CEACAM6: variants seen among roughly 807,000 people sequenced by gnomAD.
CEACAM6 encodes CEA cell adhesion molecule 6, also known as cell adhesion molecule CEACAM6.
Under a neutral mutation model 32.4 loss-of-function variants are expected in CEACAM6, and 21 were observed. The observed-to-expected ratio is 0.65, with a 90% CI of 0.46 to 0.93. The LOEUF is 0.93. Ranked by LOEUF, CEACAM6 falls within the 40% of genes least tolerant of loss-of-function variation. The pLI is 0.00. For synonymous variants in CEACAM6, 184 were observed against 174.4 expected (o/e 1.06, Z -0.43); for missense variants, 406 against 432.2 (o/e 0.94, Z 0.54).
chr19:41,763,571 C>T (rs2122925043), intron 4 of CEACAM6, among the ~76,000 whole-genome samples: 1 of 152,326 alleles, frequency 6.6e-6, no homozygotes, highest in Admixed American at 6.5e-5. Flanking sequence ...CTGCCCTATT[C>T]ACATTTGAGA....
intron 4 of CEACAM6, among the ~76,000 whole-genome samples, chr19:41,763,862 T>G (rs1441030369): frequency 6.6e-6 from 1 of 152,228 alleles, no homozygotes; most frequent in Non-Finnish European, 1.5e-5. Flanking sequence ...TAAGTTTAAG[T>G]TATCTGTGAA....
At position 41,755,690 on chromosome 19, in the gene CEACAM6, G is replaced by T. The variant is rs2072880692; in HGVS notation, c.52G>T (p.Val18Phe). Residue 18 changes from valine to phenylalanine, a missense_variant, in exon 1 of 6, where the codon GTC (valine) becomes TTC (phenylalanine). Physicochemically the swap from Val to Phe is conservative, Grantham distance 50. Transcript: ENST00000199764. ...CAGATTGCATGTCCCCTGGAAGGAG[G>T]TCCTGCTCACAGGTGAGGGGAGGAC... The part of the protein sequence containing the change: ...PCRLHVPWKE[V>F]LLTASLLTFW... 6.2e-6 allele frequency: 10 copies of T among 1,605,466 alleles called. No individual in the cohort carries two copies. The highest frequency in any genetic ancestry group is 8.5e-6 in the Non-Finnish European group (10 of 1,176,582).
Position 41,771,363 on chromosome 19 carries a change from T to G in CEACAM6, c.*602T>G, listed in dbSNP as rs1387659325. 7.9e-5 allele frequency: 12 copies of G among 152,210 alleles called. No individual in the cohort carries two copies. The highest frequency in any genetic ancestry group is 2.4e-4 in the African/African-American group (10 of 41,460). The allele number at this position is 152,210 out of a possible 1,614,324, so 9.4% of individuals were successfully genotyped here. ...ACCTGTTCTCACTCCCTGTTTTAAT[T>G]CAACCCAGCCATGCAATGCCAAATA... On this transcript the variant is annotated 3_prime_UTR_variant, in exon 6 of 6. Coordinates refer to ENST00000199764, the MANE Select transcript of CEACAM6 (RefSeq NM_002483.7).
At chr19:41,766,448 C>G in intron 5 of CEACAM6, 149 bp downstream of exon 5, 1 of 472,624 alleles carries the variant, frequency 2.1e-6, no homozygotes, top group Non-Finnish European at 3.8e-6. Flanking sequence ...CAGGTCTCTT[C>G]TTCCCTGGTC....
At position 41,755,530 on chromosome 19, in the gene CEACAM6, A is replaced by C; in HGVS notation, c.-109A>C. On this transcript the variant is annotated 5_prime_UTR_variant, in exon 1 of 6. Transcript: ENST00000199764. ...TTCTATCCCTGAGAGGAGGCTCAGC[A>C]CAGAAGGAGGAAGGACAGCAGGGCC... 1 of 1,047,424 alleles carries C rather than the reference A, an allele frequency of 9.5e-7. No homozygotes were observed. The highest frequency in any genetic ancestry group is 1.3e-5 in the South Asian group (1 of 74,694). 64.9% of individuals were successfully genotyped at this position (1,047,424 alleles called of 1,614,324 possible). A position where few individuals can be genotyped will look rare whatever the true frequency, so the allele number is the denominator to read the frequency against.
rs782690099 is a variant in CEACAM6 at position 41,766,208 on chromosome 19, G to T, written c.984G>T (p.Val328=). The T allele has an allele frequency of 6.2e-7, 1 of 1,607,526 alleles. No homozygotes were observed. The highest frequency in any genetic ancestry group is 2.3e-5 in the East Asian group (1 of 44,152). The change falls in exon 5 of 6, where the codon GTG becomes GTT. Residue 328 remains valine, a synonymous_variant. Transcript: ENST00000199764. The part of the protein sequence containing the change: ...VSGSAPVLSA[V]ATVGITIGVL... ...GAAGTGCTCCTGTCCTCTCAGCTGT[G>T]GCCACCGTCGGCATCACGATTGGAG...
rs1337652629 is a variant in CEACAM6, at chr19:41,771,605, A to G, written c.*844A>G. 3 of 152,196 alleles carry G rather than the reference A, an allele frequency of 2.0e-5. No homozygotes were observed. Among genetic ancestry groups the G allele is most frequent in the African/African-American group, 7.2e-5 (3 of 41,442 alleles). The allele number at this position is 152,196 out of a possible 1,614,324, so 9.4% of individuals were successfully genotyped here. A position where few individuals can be genotyped will look rare whatever the true frequency, so the allele number is the denominator to read the frequency against. On this transcript the variant is annotated 3_prime_UTR_variant, in exon 6 of 6. Transcript: ENST00000199764. The stretch of plus-strand genomic sequence containing the variant: ...TAAGGTGCGTAGTCCAACTCTTGGT[A>G]TTACCCTCCTAATAGTCATACTAGT...
intron 4 of CEACAM6, among the ~76,000 whole-genome samples, 154 bp from the exon 5 acceptor site, chr19:41,766,029 A>G (rs1600499739): frequency 6.6e-6 from 1 of 152,236 alleles, no homozygotes; most frequent in Admixed American, 6.5e-5. Context: ...CAACCTAGAA[A>G]CGTGGTAAGA....
At chr19:41,768,508 C>T (rs1254823848) in intron 5 of CEACAM6, among the ~76,000 whole-genome samples, 1 of 152,266 alleles carries the variant, frequency 6.6e-6, no homozygotes, top group African/African-American at 2.4e-5. Flanking sequence ...TCTTTCTACA[C>T]AGACACGGCA....
chr19:41,764,989 T>C (rs1277551286), intron 4 of CEACAM6, among the ~76,000 whole-genome samples: 3 of 152,238 alleles, frequency 2.0e-5, no homozygotes, highest in Non-Finnish European at 4.4e-5. Flanking sequence ...ACAATGCCTG[T>C]TTCATAGTAT....
chr19:41,766,120 A>AG, intron 4 of CEACAM6, 63 bp from the exon 5 acceptor site: 1 of 1,121,618 alleles, frequency 8.9e-7, no homozygotes. Context: ...GTTGACAGCT[A>AG]GTTCTTGGGG....
chr19:41,760,060 G>A (rs543676687), intron 2 of CEACAM6, among the ~76,000 whole-genome samples: 4 of 152,144 alleles, frequency 2.6e-5, no homozygotes, highest in Admixed American at 6.5e-5. Flanking sequence ...AGCCTTATGC[G>A]TAAGTGATAC....
Position 41,771,490 on chromosome 19 carries a change from TG to T in CEACAM6, c.*730del, listed in dbSNP as rs782760295. On this transcript the variant is annotated 3_prime_UTR_variant, in exon 6 of 6. Coordinates refer to ENST00000199764, the MANE Select transcript of CEACAM6 (RefSeq NM_002483.7). Reference sequence around the variant, plus strand: ...ACAATGGGTATCGCTGAGACTAAGTTGTAGAAATTAACAAATGTGCTGCTTG... The same window carrying T: ...ACAATGGGTATCGCTGAGACTAAGTTTAGAAATTAACAAATGTGCTGCTTG... 4.6e-5 allele frequency: 7 copies of T among 152,246 alleles called. No individual in the cohort carries two copies. Among genetic ancestry groups the T allele is most frequent in the Non-Finnish European group, 1.0e-4 (7 of 68,040 alleles). The allele number at this position is 152,246 out of a possible 1,614,324, so 9.4% of individuals were successfully genotyped here.
chr19:41,760,783 G>A (rs1466880269), intron 2 of CEACAM6, among the ~76,000 whole-genome samples: 1 of 152,132 alleles, frequency 6.6e-6, no homozygotes, highest in Admixed American at 6.5e-5. Flanking sequence ...TGGGGTTTAA[G>A]GACAATAAGA....
intron 1 of CEACAM6, among the ~76,000 whole-genome samples, chr19:41,756,182 A>G (rs1444789057): frequency 2.0e-5 from 3 of 152,182 alleles, no homozygotes; most frequent in African/African-American, 7.2e-5. Flanking sequence ...AGGAAAACAC[A>G]CACACAAAGA....
chr19:41,761,190 T>C (rs1246410363), intron 2 of CEACAM6, 59 bp from the exon 3 acceptor site: 1 of 1,610,960 alleles, frequency 6.2e-7, no homozygotes, highest in African/African-American at 1.3e-5. Context: ...GATTGAAAGA[T>C]GCCTGTGGAG....
At chr19:41,761,132 G>A in intron 2 of CEACAM6, 117 bp from the exon 3 acceptor site, 2 of 1,556,394 alleles carry the variant, frequency 1.3e-6, no homozygotes, top group Non-Finnish European at 1.7e-6. Context: ...CACCTGCCAG[G>A]GGCTTTTAAG....
At chr19:41,759,479 C>T (rs138190344) in intron 2 of CEACAM6, among the ~76,000 whole-genome samples, 103 of 152,290 alleles carry the variant, frequency 6.8e-4, no homozygotes, top group African/African-American at 2.4e-3. Context: ...AATTTGGCAT[C>T]GTTCCTTCCT....
Position 41,760,788 on chromosome 19 carries a change from A to G in CEACAM6, c.425-461A>G, listed in dbSNP as rs572405300. On this transcript the variant is annotated intron_variant, in intron 2 of 5. Transcript: ENST00000199764. ...ACAGTATCCTTGGGGTTTAAGGACA[A>G]TAAGAAGTCCCATCATCACCCATCT... 4.6e-5 allele frequency among the ~76,000 whole-genome samples: 7 copies of G among 152,316 alleles called. No individual in the cohort carries two copies. In the East Asian group the frequency reaches 1.4e-3, roughly 29 times the overall value.
Sources: allele counts gnomAD v4.1 joint callset (sites outside exome capture counted in the v4.1 genomes callset), GRCh38; gene constraint gnomAD v4.1.1; transcripts MANE v1.5; gene names NCBI Gene and HGNC (gene_info 2026-07-23, HGNC 2026-07-21).